Variants in TJP1 observed in about 807,000 individuals in gnomAD.
The protein encoded by TJP1 is tight junction protein 1.
A neutral mutation model predicts 194.2 loss-of-function variants in TJP1; 43 were observed. That is an observed-to-expected ratio of 0.22 (90% CI 0.17 to 0.29). The LOEUF (loss-of-function observed/expected upper bound fraction) is 0.29, where lower values mean the gene tolerates loss of function less well. Ranked by LOEUF, TJP1 falls within the 10% of genes least tolerant of loss-of-function variation. The pLI is 1.00. For synonymous variants in TJP1, 801 were observed against 779.0 expected, an observed-to-expected ratio of 1.03 and a Z score of -0.47; for missense variants, 1,971 against 2,185.7, an observed-to-expected ratio of 0.90 and a Z score of 1.96.
chr15:29,909,743 G>A (rs943678607), intron 2 of TJP1, among the ~76,000 whole-genome samples: 2 of 151,906 alleles, frequency 1.3e-5, no homozygotes, highest in Non-Finnish European at 2.9e-5. Flanking sequence ...ATTTTGAGGT[G>A]AGCGGGGCAT....
intron 2 of TJP1, among the ~76,000 whole-genome samples, chr15:29,873,281 A>G (rs755017085): frequency 6.6e-6 from 1 of 152,230 alleles, no homozygotes; most frequent in Non-Finnish European, 1.5e-5. Context: ...TGTCACATAC[A>G]CTAAACACTT....
intron 2 of TJP1, among the ~76,000 whole-genome samples, chr15:29,912,620 C>T (rs79600934): frequency 0.054 from 7,124 of 132,724 alleles, 200 homozygotes; most frequent in South Asian, 0.12. Flanking sequence ...GCAGAAGTTA[C>T]GGGAGGAAGA....
At chr15:29,800,186 T>C (rs1271776254) in intron 2 of TJP1, among the ~76,000 whole-genome samples, 2 of 152,232 alleles carry the variant, frequency 1.3e-5, no homozygotes, top group Non-Finnish European at 2.9e-5. Context: ...TTACTACTAC[T>C]CATCTCTCTT....
At chr15:29,881,732 C>G (rs966930679) in intron 2 of TJP1, among the ~76,000 whole-genome samples, 3 of 152,016 alleles carry the variant, frequency 2.0e-5, no homozygotes, top group Admixed American at 2.0e-4. Context: ...TGGATACTTA[C>G]CAGTAATTCC....
At chr15:29,798,075 G>A (rs576742528) in intron 2 of TJP1, among the ~76,000 whole-genome samples, 3 of 152,304 alleles carry the variant, frequency 2.0e-5, no homozygotes, top group Admixed American at 2.0e-4. Context: ...CTGGGTTCAA[G>A]TGATTCTCCT....
intron 2 of TJP1, among the ~76,000 whole-genome samples, chr15:29,911,525 A>G (rs1384451294): frequency 2.0e-5 from 3 of 152,182 alleles, no homozygotes; most frequent in Admixed American, 6.5e-5. Flanking sequence ...ATTTACAATC[A>G]TGGTGGAAGG....
chr15:29,929,377 A>G (rs1241380649), intron 2 of TJP1, among the ~76,000 whole-genome samples: 1 of 152,042 alleles, frequency 6.6e-6, no homozygotes, highest in African/African-American at 2.4e-5. Flanking sequence ...TTAGAAAAGA[A>G]GAAAGCCTGA....
intron 2 of TJP1, among the ~76,000 whole-genome samples, chr15:29,920,571 C>A (rs1274822625): frequency 6.6e-6 from 1 of 152,234 alleles, no homozygotes; most frequent in African/African-American, 2.4e-5. Context: ...CCCTTCCAAA[C>A]GCTGCAATCT....
intron 2 of TJP1, among the ~76,000 whole-genome samples, chr15:29,773,812 A>T (rs2046842589): frequency 6.6e-6 from 1 of 152,228 alleles, no homozygotes; most frequent in South Asian, 2.1e-4. Context: ...ACTTCTTTCA[A>T]CAACTTCTGC....
intron 2 of TJP1, among the ~76,000 whole-genome samples, chr15:29,949,655 TCC>T (rs1567225786): frequency 6.7e-5 from 3 of 44,734 alleles, no homozygotes; most frequent in African/African-American, 8.0e-5. Context: ...CACCACCACC[TCC>T]ACCTCCACAA....
intron 2 of TJP1, among the ~76,000 whole-genome samples, chr15:29,892,989 A>G (rs785428): frequency 0.69 from 104,594 of 152,066 alleles, 37,285 homozygotes; most frequent in African/African-American, 0.88. Flanking sequence ...GATGGATCTG[A>G]GCAAAGTAAA....
chr15:29,932,228 C>T (rs186806777), intron 2 of TJP1, among the ~76,000 whole-genome samples: 37 of 152,252 alleles, frequency 2.4e-4, no homozygotes, highest in Admixed American at 1.6e-3. Context: ...TCTGACAATA[C>T]CAGCTTTCAA....
chr15:29,772,753 A>G (rs551981514), intron 3 of TJP1, among the ~76,000 whole-genome samples: 7 of 152,188 alleles, frequency 4.6e-5, no homozygotes, highest in South Asian at 4.1e-4. Flanking sequence ...TCCAATTTTC[A>G]TAGGGATAAA....
Position 29,726,765 on chromosome 15 carries a change from T to TAA in TJP1, c.2311+15_2311+16insTT. 1.9e-6 allele frequency: 3 copies of TAA among 1,611,986 alleles called. No individual in the cohort carries two copies. Among genetic ancestry groups the TAA allele is most frequent in the Non-Finnish European group, 2.5e-6 (3 of 1,178,324 alleles). ...GACATTGTAAGCTGAAAGAAGGCCT[T>TAA]TATTAACATACTCACTTGTAAAAAG... On this transcript the variant is annotated intron_variant, in intron 17 of 27. Transcript: ENST00000614355.
At chr15:29,803,904 G>A (rs140700199) in intron 1 of TJP1, among the ~76,000 whole-genome samples, 11 of 152,002 alleles carry the variant, frequency 7.2e-5, no homozygotes, top group African/African-American at 2.2e-4. Flanking sequence ...TCTGAAGGAA[G>A]ACCTATGTAG....
chr15:29,704,697 G>A (rs1461257522), intron 26 of TJP1, among the ~76,000 whole-genome samples: 1 of 152,202 alleles, frequency 6.6e-6, no homozygotes, highest in Non-Finnish European at 1.5e-5. Flanking sequence ...AGTGGCTACT[G>A]CATTCAATCA....
chr15:29,856,100 G>C (rs2051840346), intron 2 of TJP1, among the ~76,000 whole-genome samples: 1 of 152,126 alleles, frequency 6.6e-6, no homozygotes, highest in African/African-American at 2.4e-5. Flanking sequence ...ATAAGATGTG[G>C]CATATCCATA....
At chr15:29,962,724 T>G (rs2056202780) in intron 1 of TJP1, among the ~76,000 whole-genome samples, 1 of 152,238 alleles carries the variant, frequency 6.6e-6, no homozygotes, top group African/African-American at 2.4e-5. Context: ...AAAATGCTAA[T>G]TTTTGTTTAT....
chr15:29,968,907 T>G (rs2056424982), exon 1 of TJP1: 1 of 249,452 alleles, frequency 4.0e-6, no homozygotes. Context: ...CACCCGCAGC[T>G]GCGGCCGTGC....
Sources: allele counts gnomAD v4.1 joint callset (sites outside exome capture counted in the v4.1 genomes callset), GRCh38; gene constraint gnomAD v4.1.1; transcripts MANE v1.5; gene names NCBI Gene and HGNC (gene_info 2026-07-23, HGNC 2026-07-21).